ADCY2: variants seen among roughly 807,000 people sequenced by gnomAD.
ADCY2 encodes the protein adenylate cyclase 2.
In ADCY2, 31 loss-of-function variants were observed where a neutral mutation model predicts 125.2. That is an observed-to-expected ratio of 0.25 (90% confidence interval 0.19 to 0.33). The LOEUF (loss-of-function observed/expected upper bound fraction) is 0.33. Ranked by LOEUF, ADCY2 falls within the 10% of genes least tolerant of loss-of-function variation. The pLI is 1.00. For missense variants in ADCY2, 904 were observed against 1,418.2 expected (o/e 0.64, Z 5.82); for synonymous variants, 512 against 548.4 (o/e 0.93, Z 0.93).
intron 4 of ADCY2, among the ~76,000 whole-genome samples, chr5:7,650,324 T>C (rs1391059954): frequency 6.6e-6 from 1 of 152,016 alleles, no homozygotes; most frequent in Non-Finnish European, 1.5e-5. Flanking sequence ...ATGAAAACTG[T>C]CTAGAATGAT....
At chr5:7,412,387 GT>G (rs1739759101) in intron 1 of ADCY2, among the ~76,000 whole-genome samples, 1 of 152,174 alleles carries the variant, frequency 6.6e-6, no homozygotes, top group Admixed American at 6.5e-5. Context: ...ATTTGGGGAG[GT>G]TTAAGTTAAA....
chr5:7,674,764 C>T (rs1314901465), intron 4 of ADCY2, among the ~76,000 whole-genome samples: 1 of 152,132 alleles, frequency 6.6e-6, no homozygotes, highest in African/African-American at 2.4e-5. Context: ...TCTTCTTTCT[C>T]CTCTTGGCCA....
Position 7,752,630 on chromosome 5 carries a change from G to A in ADCY2, c.1957-4819G>A, listed in dbSNP as rs77234506. 3.7e-3 allele frequency among the ~76,000 whole-genome samples: 565 copies of A among 150,992 alleles called. 1 individual carries two copies. Among genetic ancestry groups the A allele is most frequent in the African/African-American group, 0.013 (527 of 41,278 alleles). On this transcript the variant is annotated intron_variant, in intron 15 of 24. Coordinates refer to ENST00000338316, the MANE Select transcript of ADCY2 (RefSeq NM_020546.3). ...AATTATGAAGAATTAATTTTAGAGT[G>A]AAAAATTTAGATTTAACTTAATTTG... is the stretch of plus-strand genomic sequence containing the variant.
chr5:7,461,604 T>C (rs576443280), intron 2 of ADCY2, among the ~76,000 whole-genome samples: 1 of 152,224 alleles, frequency 6.6e-6, no homozygotes, highest in Non-Finnish European at 1.5e-5. Context: ...AATCCAACCA[T>C]GTTTTTAAAA....
chr5:7,491,406 A>T (rs1743160729), intron 2 of ADCY2, among the ~76,000 whole-genome samples: 1 of 152,058 alleles, frequency 6.6e-6, no homozygotes, highest in Non-Finnish European at 1.5e-5. Context: ...GCTCAAAATG[A>T]TATATATTTT....
chr5:7,617,689 A>G (rs537425936), intron 3 of ADCY2, among the ~76,000 whole-genome samples: 2 of 152,326 alleles, frequency 1.3e-5, no homozygotes, highest in East Asian at 3.9e-4. Context: ...TATGGTGCCA[A>G]TGAGTTTAAA....
chr5:7,616,422 A>C (rs531473581), intron 3 of ADCY2, among the ~76,000 whole-genome samples: 1 of 152,284 alleles, frequency 6.6e-6, no homozygotes, highest in East Asian at 1.9e-4. Flanking sequence ...GTATCATTTA[A>C]ATTGTTTGTT....
chr5:7,555,519 CTGTT>C (rs1735480195), intron 3 of ADCY2, among the ~76,000 whole-genome samples: 1 of 152,096 alleles, frequency 6.6e-6, no homozygotes, highest in Non-Finnish European at 1.5e-5. Flanking sequence ...TATTTGGTAA[CTGTT>C]TGTATGTTAC....
At chr5:7,717,980 C>A (rs1435288567) in intron 12 of ADCY2, among the ~76,000 whole-genome samples, 1 of 151,976 alleles carries the variant, frequency 6.6e-6, no homozygotes, top group Non-Finnish European at 1.5e-5. Context: ...AAATGAAAAG[C>A]CTTCACAGAA....
At chr5:7,537,117 G>C (rs1323458779) in intron 3 of ADCY2, among the ~76,000 whole-genome samples, 3 of 152,050 alleles carry the variant, frequency 2.0e-5, no homozygotes, top group Non-Finnish European at 4.4e-5. Context: ...ATTCTTATAG[G>C]AAATCTTACA....
intron 2 of ADCY2, among the ~76,000 whole-genome samples, chr5:7,511,415 A>C (rs1253875813): frequency 6.6e-6 from 1 of 151,970 alleles, no homozygotes; most frequent in Non-Finnish European, 1.5e-5. Context: ...CTCTACTAAA[A>C]ATACAAAAAA....
intron 4 of ADCY2, among the ~76,000 whole-genome samples, chr5:7,652,724 C>G (rs924076125): frequency 3.9e-5 from 6 of 152,142 alleles, no homozygotes; most frequent in Non-Finnish European, 5.9e-5. Context: ...ACTGATTCTA[C>G]TTGATTAAAC....
At chr5:7,549,117 C>T (rs1735244415) in intron 3 of ADCY2, among the ~76,000 whole-genome samples, 1 of 152,142 alleles carries the variant, frequency 6.6e-6, no homozygotes, top group Admixed American at 6.5e-5. Flanking sequence ...TTACAAGGGA[C>T]CATCAGTGCC....
At chr5:7,682,013 C>T (rs1579310946) in intron 4 of ADCY2, among the ~76,000 whole-genome samples, 1 of 152,326 alleles carries the variant, frequency 6.6e-6, no homozygotes, top group East Asian at 1.9e-4. Flanking sequence ...AACTCCTCCA[C>T]CTCCTTACTT....
At chr5:7,467,399 A>G (rs942105763) in intron 2 of ADCY2, among the ~76,000 whole-genome samples, 5 of 152,212 alleles carry the variant, frequency 3.3e-5, no homozygotes, top group African/African-American at 1.2e-4. Flanking sequence ...CTTAGTGTCC[A>G]GGAAGCTTTG....
chr5:7,547,500 G>A (rs984677381), intron 3 of ADCY2, among the ~76,000 whole-genome samples: 10 of 152,134 alleles, frequency 6.6e-5, no homozygotes, highest in East Asian at 5.8e-4. Context: ...GGGCGTGTCC[G>A]GGGAGACCAG....
intron 3 of ADCY2, among the ~76,000 whole-genome samples, chr5:7,534,742 C>A (rs1734761564): frequency 6.6e-6 from 1 of 152,168 alleles, no homozygotes; most frequent in Non-Finnish European, 1.5e-5. Flanking sequence ...TGTTTCTGGG[C>A]AGACGAGAAG....
rs552182007 is a variant in ADCY2 at position 7,544,176 on chromosome 5, A to G, written c.570+23277A>G. On this transcript the variant is annotated intron_variant, in intron 3 of 24. Coordinates refer to ENST00000338316, the MANE Select transcript of ADCY2 (RefSeq NM_020546.3). ...AGAACATTAGCTCCCCATGGAAAAG[A>G]AACAGGCAGATCCTGCAGAGCTATT... Among the ~76,000 whole-genome samples the G allele has an allele frequency of 2.6e-5, 4 of 152,290 alleles. No individual in the cohort carries two copies. In the South Asian group the frequency reaches 6.2e-4, roughly 24 times the overall value.
intron 3 of ADCY2, among the ~76,000 whole-genome samples, chr5:7,617,666 C>T (rs1310378459): frequency 6.6e-6 from 1 of 152,132 alleles, no homozygotes; most frequent in Middle Eastern, 3.2e-3. Flanking sequence ...CAAAAATTTA[C>T]AAGAAGTCAG....
Sources: allele counts gnomAD v4.1 joint callset (sites outside exome capture counted in the v4.1 genomes callset), GRCh38; gene constraint gnomAD v4.1.1; transcripts MANE v1.5; gene names NCBI Gene and HGNC (gene_info 2026-07-23, HGNC 2026-07-21).